The following GPC3 variants were observed in gnomAD, a reference collection of about 807,000 sequenced individuals.
GPC3 encodes the protein glypican-3.
In GPC3, 3 loss-of-function variants were observed where a neutral mutation model predicts 34.4. That is an observed-to-expected ratio of 0.09 (90% CI 0.04 to 0.23). The LOEUF is 0.23. Ranked by LOEUF, GPC3 falls within the 10% of genes least tolerant of loss-of-function variation. GPC3 has a pLI of 1.00. For missense variants in GPC3, 351 were observed against 445.6 expected (o/e 0.79, Z 1.91); for synonymous variants, 177 against 174.0 (o/e 1.02, Z -0.13).
chrX:133,949,907 C>G (rs1339582022), intron 2 of GPC3, among the ~76,000 whole-genome samples: 1 of 112,039 alleles, frequency 8.9e-6, no homozygotes, highest in Non-Finnish European at 1.9e-5. Context: ...GCTGTGGCAT[C>G]AATGAGTTTC....
intron 5 of GPC3, among the ~76,000 whole-genome samples, chrX:133,677,508 T>C (rs2070896319): frequency 1.8e-5 from 2 of 112,398 alleles, no homozygotes; most frequent in African/African-American, 6.5e-5. Context: ...TGCAGTGACT[T>C]GTCCAAGGTC....
chrX:133,882,156 C>T (rs1290605869), intron 2 of GPC3, among the ~76,000 whole-genome samples: 2 of 111,890 alleles, frequency 1.8e-5, no homozygotes, highest in Non-Finnish European at 3.8e-5. Context: ...TCCCCTCCCC[C>T]ACAATGATTC....
chrX:133,862,766 C>T (rs1011823062), intron 2 of GPC3, among the ~76,000 whole-genome samples: 2 of 112,149 alleles, frequency 1.8e-5, no homozygotes, highest in African/African-American at 3.2e-5. Flanking sequence ...CTACTGCCTC[C>T]CAGGCTTCCA....
chrX:133,597,165 A>G (rs1034481376), intron 6 of GPC3, among the ~76,000 whole-genome samples: 1 of 111,957 alleles, frequency 8.9e-6, no homozygotes, highest in Non-Finnish European at 1.9e-5. Flanking sequence ...CAATTCCAAT[A>G]AGATGCTTTT....
chrX:133,960,167 A>G (rs1333008228), intron 1 of GPC3, among the ~76,000 whole-genome samples: 1 of 110,417 alleles, frequency 9.1e-6, no homozygotes, highest in Admixed American at 9.7e-5. Flanking sequence ...GGGCAAAGCT[A>G]ACATAACTGC....
At chrX:133,765,976 T>C (rs1014364951) in intron 2 of GPC3, among the ~76,000 whole-genome samples, 38 of 111,899 alleles carry the variant, frequency 3.4e-4, no homozygotes, top group African/African-American at 1.2e-3. Context: ...ACAATTTTCT[T>C]TTGACTCTTT....
chrX:133,713,822 C>A (rs1205227590), intron 3 of GPC3, among the ~76,000 whole-genome samples: 1 of 111,941 alleles, frequency 8.9e-6, no homozygotes, highest in Non-Finnish European at 1.9e-5. Context: ...TGAAACTTGA[C>A]AGCTTCCCAA....
chrX:133,744,131 A>AT (rs2071589494), intron 3 of GPC3, among the ~76,000 whole-genome samples: 1 of 112,214 alleles, frequency 8.9e-6, no homozygotes, highest in South Asian at 3.7e-4. Context: ...AAACACCAAA[A>AT]GCAATGACAA....
chrX:133,876,576 T>C (rs1380185134), intron 2 of GPC3, among the ~76,000 whole-genome samples: 1 of 112,051 alleles, frequency 8.9e-6, no homozygotes, highest in African/African-American at 3.2e-5. Flanking sequence ...TTTAGCAGAG[T>C]CCAGACAGGG....
At chrX:133,769,767 G>A (rs191323712) in intron 2 of GPC3, among the ~76,000 whole-genome samples, 2 of 112,164 alleles carry the variant, frequency 1.8e-5, no homozygotes, top group Admixed American at 9.5e-5. Context: ...GTGCAAAGTC[G>A]AAGAAATGAA....
intron 6 of GPC3, among the ~76,000 whole-genome samples, chrX:133,635,587 T>C (rs1276058561): frequency 1.8e-5 from 2 of 111,917 alleles, no homozygotes; most frequent in African/African-American, 3.2e-5. Context: ...TAAGAAAGTA[T>C]GCCAGACTCA....
chrX:133,735,128 T>C (rs938332115), intron 3 of GPC3, among the ~76,000 whole-genome samples: 1 of 111,563 alleles, frequency 9.0e-6, no homozygotes, highest in Non-Finnish European at 1.9e-5. Flanking sequence ...AAAATTCATA[T>C]GGAATTGCAG....
intron 3 of GPC3, among the ~76,000 whole-genome samples, chrX:133,751,254 A>T (rs2071665675): frequency 9.0e-6 from 1 of 111,341 alleles, no homozygotes; most frequent in African/African-American, 3.3e-5. Flanking sequence ...TCTTACTGAA[A>T]GCATTTCCAA....
chrX:133,688,498 T>G (rs2071030847), intron 5 of GPC3, among the ~76,000 whole-genome samples: 1 of 111,858 alleles, frequency 8.9e-6, no homozygotes, highest in Non-Finnish European at 1.9e-5. Context: ...AGATAAGGAA[T>G]TAACTCTTTA....
chrX:133,862,035 C>T (rs186825753), intron 2 of GPC3, among the ~76,000 whole-genome samples: 1 of 110,184 alleles, frequency 9.1e-6, no homozygotes, highest in African/African-American at 3.3e-5. Flanking sequence ...ATTTCCATTT[C>T]CTCTTTATTG....
At chrX:133,828,305 C>T (rs1022722547) in intron 2 of GPC3, among the ~76,000 whole-genome samples, 3 of 110,133 alleles carry the variant, frequency 2.7e-5, no homozygotes, top group Non-Finnish European at 5.7e-5. Context: ...TACAGGTGAG[C>T]GCCACCACAC....
At chrX:133,662,180 C>T (rs765500380) in intron 5 of GPC3, among the ~76,000 whole-genome samples, 1 of 111,404 alleles carries the variant, frequency 9.0e-6, no homozygotes, top group East Asian at 2.9e-4. Flanking sequence ...GTGATTAGAG[C>T]TGTGCTAGGG....
intron 2 of GPC3, among the ~76,000 whole-genome samples, chrX:133,822,941 C>T (rs947695226): frequency 2.8e-5 from 3 of 108,030 alleles, no homozygotes; most frequent in South Asian, 4.2e-4. Flanking sequence ...CCAGCCTGGC[C>T]GATATGGCGA....
chrX:133,712,130 A>G (rs889207245), intron 3 of GPC3, among the ~76,000 whole-genome samples: 4 of 112,320 alleles, frequency 3.6e-5, no homozygotes, highest in African/African-American at 1.3e-4. Flanking sequence ...AAAGGAGATT[A>G]GAAGACTTAC....
Sources: allele counts gnomAD v4.1 joint callset (sites outside exome capture counted in the v4.1 genomes callset), GRCh38; gene constraint gnomAD v4.1.1; transcripts MANE v1.5; gene names NCBI Gene and HGNC (gene_info 2026-07-23, HGNC 2026-07-21).